Variants in CUL1 observed in about 807,000 individuals in gnomAD.
CUL1 encodes the protein cullin-1.
Under a neutral mutation model 118.0 loss-of-function variants are expected in CUL1, and 24 were observed. The observed-to-expected ratio is 0.20, with a 90% CI of 0.15 to 0.29. The LOEUF (loss-of-function observed/expected upper bound fraction) is 0.29. CUL1 is among the 10% of genes least tolerant of loss of function. The pLI, the probability that CUL1 is intolerant of heterozygous loss-of-function variation, is 1.00. For synonymous variants in CUL1, 332 were observed against 340.4 expected, an observed-to-expected ratio of 0.98 and a Z score of 0.27; for missense variants, 361 against 933.8, an observed-to-expected ratio of 0.39 and a Z score of 7.99.
At position 148,787,616 on chromosome 7, in the gene CUL1, C is replaced by T. The variant is rs1800860117; in HGVS notation, c.1479+496C>T. On this transcript the variant is annotated intron_variant, in intron 13 of 21. Transcript: ENST00000325222. The surrounding 1 kb of genome is among the most constrained non-coding windows in gnomAD (Gnocchi z 5.5). The stretch of plus-strand genomic sequence containing the variant: ...TTGGGCCCCGGTGCCTTCCCAACCC[C>T]TTCCCCACCCCACTGTGGGGCTTCC... Among the ~76,000 whole-genome samples the T allele has an allele frequency of 6.6e-6, 1 of 152,202 alleles. No homozygotes were observed. The highest frequency in any genetic ancestry group is 2.1e-4 in the South Asian group (1 of 4,826).
At chr7:148,721,185 T>C (rs1032686231) in intron 1 of CUL1, among the ~76,000 whole-genome samples, 1 of 152,186 alleles carries the variant, frequency 6.6e-6, no homozygotes, top group Non-Finnish European at 1.5e-5. Flanking sequence ...CAAGAGAACA[T>C]AGCATGTTCC....
rs1800844000 is a variant in CUL1, at chr7:148,787,220, T to C, written c.1479+100T>C. ...GCTCATGCCTGTAATCCCAGCACTT[T>C]GGGAGGCCGAGGCGGGCAGATCACG... On this transcript the variant is annotated intron_variant, in intron 13 of 21. Coordinates refer to ENST00000325222, the MANE Select transcript of CUL1 (RefSeq NM_003592.3). This position sits in a 1 kb window ranked among gnomAD's most constrained non-coding sequence, Gnocchi z 5.5. 3 of 1,264,822 alleles carry C rather than the reference T, an allele frequency of 2.4e-6. No homozygotes were observed. In the African/African-American group the frequency reaches 4.5e-5, roughly 19 times the overall value. The allele number at this position is 1,264,822 out of a possible 1,614,324, so 78.3% of individuals were successfully genotyped here. A position where few individuals can be genotyped will look rare whatever the true frequency, so the allele number is the denominator to read the frequency against.
chr7:148,742,231 G>A (rs748561729), intron 2 of CUL1, among the ~76,000 whole-genome samples: 9 of 152,168 alleles, frequency 5.9e-5, no homozygotes, highest in African/African-American at 1.2e-4. Flanking sequence ...AGATATACCC[G>A]AGACTGGGTA....
chr7:148,699,842 T>C (rs1041164127), intron 1 of CUL1, among the ~76,000 whole-genome samples: 1 of 151,972 alleles, frequency 6.6e-6, no homozygotes, highest in Non-Finnish European at 1.5e-5. Flanking sequence ...GCGCGCGCCC[T>C]GACCCTGAGG....
chr7:148,777,399 C>T (rs957980014), intron 9 of CUL1, among the ~76,000 whole-genome samples: 1 of 152,140 alleles, frequency 6.6e-6, no homozygotes, highest in Non-Finnish European at 1.5e-5. Flanking sequence ...ACCTGTAATC[C>T]CAGCACTTTG....
At chr7:148,730,661 C>T (rs1798731998) in intron 2 of CUL1, among the ~76,000 whole-genome samples, 1 of 152,158 alleles carries the variant, frequency 6.6e-6, no homozygotes, top group Non-Finnish European at 1.5e-5. Context: ...CTATGACTGC[C>T]TTGTGTTATG....
intron 13 of CUL1, among the ~76,000 whole-genome samples, chr7:148,788,071 C>T (rs899862253): frequency 1.3e-5 from 2 of 152,194 alleles, no homozygotes; most frequent in Admixed American, 6.5e-5. Flanking sequence ...CACCTTCTTG[C>T]AGTGCCTCAC....
Position 148,778,240 on chromosome 7 carries a change from G to A in CUL1, c.1084-5543G>A, listed in dbSNP as rs1055033728. ...AGAGGTGAGATGATACAGTAGAAAA[G>A]GCCTATTAAGAAAATGCAAGATTAT... On this transcript the variant is annotated intron_variant, in intron 9 of 21. Transcript: ENST00000325222. 4.6e-5 allele frequency among the ~76,000 whole-genome samples: 7 copies of A among 152,006 alleles called. No individual in the cohort carries two copies. The South Asian group carries it at 1.5e-3, about 32-fold the overall frequency.
Position 148,800,613 on chromosome 7 carries a change from G to A in CUL1, c.*31G>A, listed in dbSNP as rs779822487. The stretch of plus-strand genomic sequence containing the variant: ...CTGGAAGGGTCTGACTGTGTGACCC[G>A]CAGCAAATAGTTCATGTTGGAAAGA... On this transcript the variant is annotated 3_prime_UTR_variant, in exon 22 of 22. Coordinates refer to ENST00000325222, the MANE Select transcript of CUL1 (RefSeq NM_003592.3). This position sits in a 1 kb window ranked among gnomAD's most constrained non-coding sequence, Gnocchi z 4.6. The A allele has an allele frequency of 4.0e-6, 6 of 1,502,140 alleles. No homozygotes were observed. Among genetic ancestry groups the A allele is most frequent in the East Asian group, 4.5e-5 (2 of 44,280 alleles). The allele number at this position is 1,502,140 out of a possible 1,614,324, so 93.1% of individuals were successfully genotyped here. A position where few individuals can be genotyped will look rare whatever the true frequency, so the allele number is the denominator to read the frequency against.
At chr7:148,717,128 C>T (rs71532741) in intron 1 of CUL1, among the ~76,000 whole-genome samples, 1 of 152,162 alleles carries the variant, frequency 6.6e-6, no homozygotes, top group African/African-American at 2.4e-5. Context: ...GGGGTGATCT[C>T]TGCTCACTGC....
At chr7:148,776,677 T>C (rs896212112) in intron 9 of CUL1, among the ~76,000 whole-genome samples, 1 of 152,108 alleles carries the variant, frequency 6.6e-6, no homozygotes, top group African/African-American at 2.4e-5. Flanking sequence ...GGGAAGACTT[T>C]AATCATTTCA....
intron 3 of CUL1, among the ~76,000 whole-genome samples, chr7:148,756,709 G>T (rs111449890): frequency 1.3e-5 from 2 of 152,182 alleles, no homozygotes; most frequent in East Asian, 3.9e-4. Flanking sequence ...GGAATTACCC[G>T]CATATCAAAT....
chr7:148,788,861 A>G (rs1278090865), intron 14 of CUL1, among the ~76,000 whole-genome samples, 187 bp downstream of exon 14: 1 of 152,146 alleles, frequency 6.6e-6, no homozygotes, highest in Middle Eastern at 3.2e-3. Context: ...GGAGATGACA[A>G]CCCTTGAAGT....
At chr7:148,737,168 A>G (rs1014156359) in intron 2 of CUL1, among the ~76,000 whole-genome samples, 5 of 151,558 alleles carry the variant, frequency 3.3e-5, no homozygotes, top group Middle Eastern at 3.4e-3. Context: ...AAATTATGAG[A>G]TTGTGTACTT....
At chr7:148,792,945 A>G (rs2129463389) in intron 17 of CUL1, 127 bp downstream of exon 17, 1 of 636,946 alleles carries the variant, frequency 1.6e-6, no homozygotes, top group Non-Finnish European at 2.7e-6. Context: ...CCTCATGAAT[A>G]TGAATATGGC....
rs1473950863 is a variant in CUL1, at chr7:148,709,458, T to TAACAAAACTATGGGGAAAAATCTGG, written c.-162+10431_-162+10455dup. 4.6e-5 allele frequency among the ~76,000 whole-genome samples: 7 copies of TAACAAAACTATGGGGAAAAATCTGG among 152,346 alleles called. No individual in the cohort carries two copies. In the East Asian group the frequency reaches 7.7e-4, roughly 17 times the overall value. On this transcript the variant is annotated intron_variant, in intron 1 of 21. Coordinates refer to ENST00000325222, the MANE Select transcript of CUL1 (RefSeq NM_003592.3). ...TTTATTATATATGAGTTCTTGACGA[T>TAACAAAACTATGGGGAAAAATCTGG]AACAAAACTATGGGGAAAAATCTGG... is the stretch of plus-strand genomic sequence containing the variant.
chr7:148,750,214 T>C (rs1799441818), intron 2 of CUL1, among the ~76,000 whole-genome samples: 1 of 151,982 alleles, frequency 6.6e-6, no homozygotes, highest in Non-Finnish European at 1.5e-5. Flanking sequence ...TCTAGGATCA[T>C]TGATGAAGGT....
chr7:148,728,653 C>G (rs576836689), intron 1 of CUL1, among the ~76,000 whole-genome samples: 27 of 152,126 alleles, frequency 1.8e-4, no homozygotes, highest in Admixed American at 2.0e-4. Flanking sequence ...TTTGAACATA[C>G]CAATTCGAAT....
chr7:148,708,838 C>T (rs561258060), intron 1 of CUL1, among the ~76,000 whole-genome samples: 2 of 152,310 alleles, frequency 1.3e-5, no homozygotes, highest in East Asian at 3.9e-4. Flanking sequence ...TTCAACAAAG[C>T]AACCAATTTG....
Sources: allele counts gnomAD v4.1 joint callset (sites outside exome capture counted in the v4.1 genomes callset), GRCh38; gene constraint gnomAD v4.1.1; non-coding constraint Gnocchi (gnomAD v3.1); transcripts MANE v1.5; gene names NCBI Gene and HGNC (gene_info 2026-07-23, HGNC 2026-07-21).